The following AMPH variants were observed in gnomAD, a reference collection of about 807,000 sequenced individuals.
The protein encoded by AMPH is amphiphysin (Stiff-Mann syndrome with breast cancer 128kD autoantigen).
A neutral mutation model predicts 99.1 loss-of-function variants in AMPH; 49 were observed. The ratio of observed to expected loss-of-function variants is 0.49; its 90% CI spans 0.39 to 0.63. The LOEUF is 0.63. AMPH is among the 20% of genes least tolerant of loss of function. The probability of loss-of-function intolerance (pLI) is 0.00; values close to 1 mark genes in which losing one functional copy is unlikely to be tolerated. For synonymous variants in AMPH, 314 were observed against 317.3 expected, an observed-to-expected ratio of 0.99 and a Z score of 0.11; for missense variants, 759 against 863.4, an observed-to-expected ratio of 0.88 and a Z score of 1.52.
chr7:38,436,485 T>G, intron 11 of AMPH, 97 bp from the exon 12 acceptor site: 2 of 897,410 alleles, frequency 2.2e-6, no homozygotes, highest in Non-Finnish European at 3.5e-6. Context: ...AATATTATTA[T>G]TGAGTATCTC....
rs1031965164 is a variant in AMPH, at chr7:38,441,729, T to G, written c.1018-5341A>C. On this transcript the variant is annotated intron_variant, in intron 11 of 20. Coordinates refer to ENST00000356264, the MANE Select transcript of AMPH (RefSeq NM_001635.4). ...TCAATGAAGGCCTGGATAAAGAAAATGATATATATGACAGATATATCATAT... is the reference window on the plus strand; with the variant it reads ...TCAATGAAGGCCTGGATAAAGAAAAGGATATATATGACAGATATATCATAT... 2.0e-5 allele frequency among the ~76,000 whole-genome samples: 3 copies of G among 148,340 alleles called. No individual in the cohort carries two copies. The East Asian group carries it at 5.8e-4, about 29-fold the overall frequency.
chr7:38,626,526 C>A (rs995182224), intron 1 of AMPH, among the ~76,000 whole-genome samples: 2 of 152,166 alleles, frequency 1.3e-5, no homozygotes, highest in African/African-American at 4.8e-5. Context: ...CTTCCTTACA[C>A]CTTATACAAA....
At chr7:38,575,051 TAAAA>T (rs3056279) in intron 1 of AMPH, among the ~76,000 whole-genome samples, 2,819 of 105,258 alleles carry the variant, frequency 0.027, 102 homozygotes, top group African/African-American at 0.1. Context: ...AGACTCTGTC[TAAAA>T]AAAAAAAAAA....
Position 38,571,126 on chromosome 7 carries a change from AAT to A in AMPH, c.70-36117_70-36116del, listed in dbSNP as rs1358186082. ...TATATTCATATATACAGTATATATG[AAT>A]ATATATATTTTTATATATTTATGAA... On this transcript the variant is annotated intron_variant, in intron 1 of 20. Transcript: ENST00000356264. Among the ~76,000 whole-genome samples, 4 of 73,546 alleles carry A rather than the reference AAT, an allele frequency of 5.4e-5. 1 individual carries two copies. The highest frequency in any genetic ancestry group is 7.2e-5 in the Non-Finnish European group (3 of 41,946). The allele number at this position is 73,546 out of a possible 152,430, so 48.2% of individuals were successfully genotyped here. A position where few individuals can be genotyped will look rare whatever the true frequency, so the allele number is the denominator to read the frequency against.
chr7:38,542,119 T>C (rs1220917415), intron 1 of AMPH, among the ~76,000 whole-genome samples: 1 of 152,232 alleles, frequency 6.6e-6, no homozygotes, highest in Non-Finnish European at 1.5e-5. Flanking sequence ...AGTCCTAGCA[T>C]CCAAGATGGT....
Position 38,526,083 on chromosome 7 carries a change from C to T in AMPH, c.150+8848G>A, listed in dbSNP as rs1790174979. Among the ~76,000 whole-genome samples the T allele has an allele frequency of 1.3e-5, 2 of 152,144 alleles. 1 individual carries two copies. The highest frequency in any genetic ancestry group is 4.1e-4 in the South Asian group (2 of 4,824). ...CAATGTATGAGTGATTCAGTTTCTC[C>T]AAATCCTTGCCAGCATTTAGCATTG... On this transcript the variant is annotated intron_variant, in intron 2 of 20. Coordinates refer to ENST00000356264, the MANE Select transcript of AMPH (RefSeq NM_001635.4).
chr7:38,575,548 G>T (rs1792206822), intron 1 of AMPH, among the ~76,000 whole-genome samples: 1 of 152,056 alleles, frequency 6.6e-6, no homozygotes, highest in Admixed American at 6.5e-5. Context: ...AGATCTGATG[G>T]TTTTATAACA....
At chr7:38,560,097 C>T (rs148940692) in intron 1 of AMPH, among the ~76,000 whole-genome samples, 2 of 152,346 alleles carry the variant, frequency 1.3e-5, no homozygotes, top group African/African-American at 4.8e-5. Context: ...CAGCTCCTCC[C>T]ATGAAGAGGT....
chr7:38,586,937 G>A (rs1415123867), intron 1 of AMPH, among the ~76,000 whole-genome samples: 5 of 152,052 alleles, frequency 3.3e-5, no homozygotes, highest in Non-Finnish European at 5.9e-5. Context: ...TCCTAACTTC[G>A]AAGTCTGCAT....
At chr7:38,427,536 C>T (rs918228394) in intron 14 of AMPH, among the ~76,000 whole-genome samples, 1 of 152,042 alleles carries the variant, frequency 6.6e-6, no homozygotes, top group African/African-American at 2.4e-5. Context: ...AGAATAAACT[C>T]AGAAAATGAG....
intron 11 of AMPH, among the ~76,000 whole-genome samples, chr7:38,442,218 C>A (rs1183035237): frequency 1.3e-5 from 2 of 152,042 alleles, no homozygotes; most frequent in African/African-American, 4.8e-5. Context: ...TTATCTTATG[C>A]AACAAACCTA....
intron 16 of AMPH, among the ~76,000 whole-genome samples, chr7:38,420,714 A>T (rs1217414062): frequency 6.6e-6 from 1 of 152,142 alleles, no homozygotes; most frequent in African/African-American, 2.4e-5. Flanking sequence ...GTCACATCCA[A>T]TGTGGCCTTG....
At chr7:38,557,829 G>A (rs920267032) in intron 1 of AMPH, among the ~76,000 whole-genome samples, 8 of 151,932 alleles carry the variant, frequency 5.3e-5, no homozygotes, top group Admixed American at 2.6e-4. Flanking sequence ...TGAGGCAGGT[G>A]GATTGCCTGA....
At chr7:38,435,955 G>A (rs1191244223) in intron 12 of AMPH, among the ~76,000 whole-genome samples, 5 of 152,152 alleles carry the variant, frequency 3.3e-5, no homozygotes. Context: ...CTTCATCCAG[G>A]GAAACCATAA....
chr7:38,597,142 A>C (rs1252801994), intron 1 of AMPH, among the ~76,000 whole-genome samples: 1 of 152,216 alleles, frequency 6.6e-6, no homozygotes, highest in African/African-American at 2.4e-5. Context: ...AAAGTAAACT[A>C]AAAGGGCAGG....
At chr7:38,531,494 A>G (rs1052028972) in intron 2 of AMPH, among the ~76,000 whole-genome samples, 3 of 152,248 alleles carry the variant, frequency 2.0e-5, no homozygotes, top group African/African-American at 7.2e-5. Flanking sequence ...TGAGATCAAA[A>G]GGAAAACTTA....
At chr7:38,445,582 G>A (rs141292771) in intron 11 of AMPH, among the ~76,000 whole-genome samples, 71 of 152,214 alleles carry the variant, frequency 4.7e-4, no homozygotes, top group African/African-American at 1.5e-3. Flanking sequence ...ATAAATACAC[G>A]AGAAAAAGTT....
intron 17 of AMPH, 147 bp downstream of exon 17, chr7:38,417,678 T>G (rs773370998): frequency 1.9e-6 from 2 of 1,031,820 alleles, no homozygotes; most frequent in Non-Finnish European, 2.8e-6. Context: ...AGAACAGGCA[T>G]GAAGGCTATT....
At chr7:38,476,436 G>T (rs971600762) in intron 6 of AMPH, among the ~76,000 whole-genome samples, 4 of 152,130 alleles carry the variant, frequency 2.6e-5, no homozygotes, top group African/African-American at 9.7e-5. Context: ...CATGGTGAAA[G>T]CTACTAAAAA....
Sources: allele counts gnomAD v4.1 joint callset (sites outside exome capture counted in the v4.1 genomes callset), GRCh38; gene constraint gnomAD v4.1.1; transcripts MANE v1.5; gene names NCBI Gene and HGNC (gene_info 2026-07-23, HGNC 2026-07-21).